Variants in HSD17B2 observed in about 807,000 individuals in gnomAD.
HSD17B2 encodes the protein hydroxysteroid 17-beta dehydrogenase 2.
Under a neutral mutation model 26.9 loss-of-function variants are expected in HSD17B2, and 32 were observed. The ratio of observed to expected loss-of-function variants is 1.19; its 90% CI spans 0.90 to 1.60. HSD17B2 has a LOEUF of 1.60. HSD17B2 is among the 40% of genes most tolerant of loss of function. HSD17B2 has a pLI of 0.00. For missense variants in HSD17B2, 613 were observed against 468.6 expected (o/e 1.31, Z -2.85); for synonymous variants, 246 against 186.7 (o/e 1.32, Z -2.59).
intron 4 of HSD17B2, chr16:82,092,080 A>C (rs1904710646): frequency 6.6e-6 from 1 of 152,144 alleles, no homozygotes; most frequent in African/African-American, 2.4e-5. Context: ...ACAATGTATA[A>C]TCCATTAGTT....
At chr16:82,059,549 TGAG>T (rs762561909) in intron 1 of HSD17B2, among the ~76,000 whole-genome samples, 93 of 152,296 alleles carry the variant, frequency 6.1e-4, no homozygotes, top group Non-Finnish European at 1.0e-3. Context: ...GTAGTGGGAT[TGAG>T]GAGTGAGAAC....
chr16:82,056,594 A>G (rs1914277912), intron 1 of HSD17B2: 1 of 152,248 alleles, frequency 6.6e-6, no homozygotes, highest in African/African-American at 2.4e-5. Flanking sequence ...GATACAAGGG[A>G]GATCTCTGGT....
At chr16:82,060,322 A>G (rs1244827946) in intron 1 of HSD17B2, among the ~76,000 whole-genome samples, 1 of 152,134 alleles carries the variant, frequency 6.6e-6, no homozygotes, top group Non-Finnish European at 1.5e-5. Flanking sequence ...TCAAAAGGCT[A>G]TGGGGTCAGG....
intron 1 of HSD17B2, among the ~76,000 whole-genome samples, chr16:82,039,688 G>A (rs1332006890): frequency 3.3e-5 from 5 of 152,124 alleles, no homozygotes; most frequent in African/African-American, 4.8e-5. Context: ...TACCCTCTAA[G>A]CTTGGCAGGA....
At chr16:82,075,141 T>G (rs923508823) in intron 3 of HSD17B2, among the ~76,000 whole-genome samples, 2 of 152,032 alleles carry the variant, frequency 1.3e-5, no homozygotes, top group African/African-American at 4.8e-5. Context: ...ATTTAAAAAT[T>G]TCTCAAATGA....
At chr16:82,092,606 G>A (rs1296305421) in intron 4 of HSD17B2, 1 of 152,224 alleles carries the variant, frequency 6.6e-6, no homozygotes, top group African/African-American at 2.4e-5. Context: ...TCAGAGAAAG[G>A]GACAGAGACC....
chr16:82,060,979 G>A (rs1042400229), intron 1 of HSD17B2, among the ~76,000 whole-genome samples: 2 of 152,058 alleles, frequency 1.3e-5, no homozygotes, highest in African/African-American at 4.8e-5. Flanking sequence ...TCCATTTATG[G>A]GCCAGGCGTG....
chr16:82,093,466 T>A (rs561701437), intron 4 of HSD17B2: 15 of 152,250 alleles, frequency 9.9e-5, no homozygotes, highest in Admixed American at 8.5e-4. Context: ...CTGTGCAGTA[T>A]TCTGTGAATA....
chr16:82,091,143 G>C (rs767953494), intron 4 of HSD17B2, 104 bp downstream of exon 4: 21 of 1,109,266 alleles, frequency 1.9e-5, no homozygotes, highest in Middle Eastern at 3.9e-4. Flanking sequence ...TGTTGTCAAA[G>C]ATGAGCACAG....
chr16:82,090,241 G>C (rs1904644813), intron 3 of HSD17B2: 2 of 971,028 alleles, frequency 2.1e-6, no homozygotes, highest in Middle Eastern at 5.3e-4. Context: ...AAGGTATGTT[G>C]GTCAGGCTAG....
At chr16:82,092,614 AC>A (rs1904727721) in intron 4 of HSD17B2, 1 of 152,254 alleles carries the variant, frequency 6.6e-6, no homozygotes, top group South Asian at 2.1e-4. Flanking sequence ...AGGGACAGAG[AC>A]CCAGAGAAAG....
chr16:82,036,320 TTGTGTGTGTGTGTGTGTGTGTGTGTG>T (rs10609893), intron 1 of HSD17B2, among the ~76,000 whole-genome samples: 1 of 145,782 alleles, frequency 6.9e-6, no homozygotes, highest in Non-Finnish European at 1.5e-5. Flanking sequence ...TTTCCCTTGT[TTGTGTGTGTGTGTGTGTGTGTGTGTG>T]TGTGTGTGTG....
At chr16:82,071,300 A>G in intron 3 of HSD17B2, 173 bp downstream of exon 3, 1 of 684,994 alleles carries the variant, frequency 1.5e-6, no homozygotes, top group African/African-American at 1.8e-5. Context: ...CTCTTCTTTC[A>G]AATTCTTTCA....
chr16:82,051,295 T>C (rs1416902293), intron 1 of HSD17B2, among the ~76,000 whole-genome samples: 5 of 152,242 alleles, frequency 3.3e-5, no homozygotes, highest in Admixed American at 6.5e-5. Flanking sequence ...CACGCATGAA[T>C]GAATGCATGA....
At position 82,062,665 on chromosome 16, in the gene HSD17B2, G is replaced by T. The variant is rs114147136; in HGVS notation, c.266-5505G>T. 5.0e-3 allele frequency among the ~76,000 whole-genome samples: 754 copies of T among 152,320 alleles called. 8 individuals carry two copies. The highest frequency in any genetic ancestry group is 0.017 in the African/African-American group (722 of 41,552). On this transcript the variant is annotated intron_variant, in intron 1 of 4. Transcript: ENST00000199936. ...ATGGTAACATTACTTACCCCCCAGG[G>T]TGATTGAGAGGATTCAGTGAGTAAA...
intron 1 of HSD17B2, among the ~76,000 whole-genome samples, chr16:82,041,994 TTTC>T (rs1913779390): frequency 6.6e-6 from 1 of 151,540 alleles, no homozygotes; most frequent in Admixed American, 6.6e-5. Context: ...TTTCTTTTCT[TTTC>T]TTTTTTTTTT....
intron 1 of HSD17B2, chr16:82,052,450 G>A (rs573785280): frequency 1.3e-5 from 2 of 152,396 alleles, no homozygotes; most frequent in South Asian, 2.1e-4. Context: ...TGTTTCTAGC[G>A]AGAGGGTCCT....
chr16:82,070,277 G>A (rs1475883729), intron 2 of HSD17B2, among the ~76,000 whole-genome samples: 1 of 152,122 alleles, frequency 6.6e-6, no homozygotes, highest in South Asian at 2.1e-4. Flanking sequence ...CTCAGTGCCT[G>A]TATCCTACTG....
chr16:82,098,280 C>A lies in HSD17B2; in HGVS notation c.1008C>A (p.Ala336=), dbSNP rs1437708433. 2 of 1,614,074 alleles carry A rather than the reference C, an allele frequency of 1.2e-6. No individual in the cohort carries two copies. Among genetic ancestry groups the A allele is most frequent in the African/African-American group, 2.7e-5 (2 of 74,930 alleles). Residue 336 remains alanine (A), a synonymous_variant, in exon 5 of 5, where the codon GCC becomes GCA. Transcript: ENST00000199936. ...CTATCTTGGCGAAGAGCCCTTTTGC[C>A]TATTACACGCCAGGGAAAGGCGCTT... ...QHAILAKSPF[A]YYTPGKGAYL...
Sources: gnomAD v4.1 joint callset for allele counts (sites outside exome capture counted in the v4.1 genomes callset) on GRCh38, gnomAD v4.1.1 for gene constraint, MANE v1.5 for transcripts, NCBI Gene and HGNC (gene_info 2026-07-23, HGNC 2026-07-21) for gene names.